The following CDKN2B-AS1 variants were observed in gnomAD, a reference collection of about 807,000 sequenced individuals.
CDKN2B-AS1 encodes CDKN2B antisense RNA 1 (non-protein coding).
rs144148319 is a variant in CDKN2B-AS1 at position 22,124,483 on chromosome 9, C to T, written n.439-2620C>T. Among the ~76,000 whole-genome samples the T allele has an allele frequency of 1.3e-4, 20 of 152,234 alleles. No homozygotes were observed. The East Asian group carries it at 3.5e-3, about 26-fold the overall frequency. On this transcript the variant is annotated intron_variant and non_coding_transcript_variant, in intron 4 of 4. Transcript: ENST00000650946. Reference sequence around the variant, plus strand: ...AGGGTGTGGTCATTCCGGTAAGCAGCGATGCAGAATCAAGACAGAGTAGTT... The same window carrying T: ...AGGGTGTGGTCATTCCGGTAAGCAGTGATGCAGAATCAAGACAGAGTAGTT...
At chr9:22,113,350 C>G (rs1448415593) in intron 4 of CDKN2B-AS1, among the ~76,000 whole-genome samples, 1 of 152,230 alleles carries the variant, frequency 6.6e-6, no homozygotes, top group Non-Finnish European at 1.5e-5. Flanking sequence ...TCTGACTTCC[C>G]TTTCTGTCAC....
intron 1 of CDKN2B-AS1, among the ~76,000 whole-genome samples, chr9:22,042,005 A>C (rs1332162763): frequency 6.6e-6 from 1 of 152,016 alleles, no homozygotes; most frequent in Non-Finnish European, 1.5e-5. Flanking sequence ...TGTTCTGGGA[A>C]TATGTTAGCC....
At chr9:22,105,186 A>C (rs923528062) in intron 4 of CDKN2B-AS1, among the ~76,000 whole-genome samples, 3 of 152,232 alleles carry the variant, frequency 2.0e-5, no homozygotes, top group Non-Finnish European at 4.4e-5. Flanking sequence ...TTGTGGGCTC[A>C]TGATGACTTG....
chr9:22,064,282 G>A (rs1242392289), intron 4 of CDKN2B-AS1, among the ~76,000 whole-genome samples: 1 of 152,192 alleles, frequency 6.6e-6, no homozygotes, highest in African/African-American at 2.4e-5. Context: ...TGAGTACCAA[G>A]GTGGAAGTGT....
chr9:22,115,157 A>G (rs1007471520), intron 4 of CDKN2B-AS1, among the ~76,000 whole-genome samples: 23 of 152,180 alleles, frequency 1.5e-4, no homozygotes, highest in Non-Finnish European at 2.8e-4. Context: ...TTGGACTCCA[A>G]ATGCTTTTGT....
chr9:22,124,743 G>A (rs1817990895), intron 4 of CDKN2B-AS1, among the ~76,000 whole-genome samples: 1 of 152,336 alleles, frequency 6.6e-6, no homozygotes, highest in East Asian at 1.9e-4. Context: ...AGGGCCAGAA[G>A]TCGTCTCAGC....
At chr9:22,049,387 T>C (rs1823241712) in intron 3 of CDKN2B-AS1, among the ~76,000 whole-genome samples, 2 of 152,198 alleles carry the variant, frequency 1.3e-5, no homozygotes, top group South Asian at 4.1e-4. Context: ...CAAGCCTCTG[T>C]GACATTTATC....
chr9:22,124,325 A>C (rs1817983437), intron 4 of CDKN2B-AS1, among the ~76,000 whole-genome samples: 1 of 152,228 alleles, frequency 6.6e-6, no homozygotes, highest in Admixed American at 6.5e-5. Context: ...GGTACAGAAT[A>C]CAAAGTTTCA....
intron 4 of CDKN2B-AS1, among the ~76,000 whole-genome samples, chr9:22,075,914 G>T (rs527469991): frequency 1.3e-5 from 2 of 152,128 alleles, no homozygotes; most frequent in African/African-American, 2.4e-5. Context: ...TCAAATCTTT[G>T]TATTACAGTA....
chr9:22,124,945 A>C, intron 4 of CDKN2B-AS1, among the ~76,000 whole-genome samples: 1 of 152,264 alleles, frequency 6.6e-6, no homozygotes, highest in East Asian at 1.9e-4. Context: ...CTCTTCACAC[A>C]TACTAGCATA....
intron 1 of CDKN2B-AS1, among the ~76,000 whole-genome samples, chr9:22,034,295 G>A (rs1488812320): frequency 6.6e-6 from 1 of 151,868 alleles, no homozygotes; most frequent in Admixed American, 6.6e-5. Flanking sequence ...CTCTTTTTTG[G>A]GGTGCCTCTA....
At chr9:22,047,488 G>C (rs1323063052) in intron 2 of CDKN2B-AS1, among the ~76,000 whole-genome samples, 4 of 152,154 alleles carry the variant, frequency 2.6e-5, no homozygotes, top group Non-Finnish European at 4.4e-5. Context: ...GAAGAACTTA[G>C]CACTTGTGAT....
chr9:22,028,305 G>A (rs1233736427), intron 1 of CDKN2B-AS1, among the ~76,000 whole-genome samples: 1 of 152,012 alleles, frequency 6.6e-6, no homozygotes, highest in Non-Finnish European at 1.5e-5. Context: ...CAAACTGATT[G>A]TTCATCTCAG....
intron 4 of CDKN2B-AS1, among the ~76,000 whole-genome samples, chr9:22,108,802 A>G (rs1278547040): frequency 6.6e-6 from 1 of 152,222 alleles, no homozygotes; most frequent in African/African-American, 2.4e-5. Context: ...GTTTTGGACT[A>G]CTACAAACAC....
At chr9:22,125,051 G>A (rs938928279) in intron 4 of CDKN2B-AS1, among the ~76,000 whole-genome samples, 3 of 152,172 alleles carry the variant, frequency 2.0e-5, no homozygotes, top group Admixed American at 6.5e-5. Flanking sequence ...GTGCATGCAC[G>A]CACACGTGTG....
rs80154247 is a variant in CDKN2B-AS1, at chr9:22,110,019, C to T, written n.439-17084C>T. On this transcript the variant is annotated intron_variant and non_coding_transcript_variant, in intron 4 of 4. Coordinates refer to ENST00000650946, the Ensembl canonical transcript of CDKN2B-AS1. ...CTGTTACCTAGAAGTCAATTGACTTCCCTGAATGTTAGCTTCTTTAGCTGT... is the reference window on the plus strand; with the variant it reads ...CTGTTACCTAGAAGTCAATTGACTTTCCTGAATGTTAGCTTCTTTAGCTGT... Among the ~76,000 whole-genome samples the T allele has an allele frequency of 2.6e-4, 40 of 152,212 alleles. No homozygotes were observed. The East Asian group carries it at 6.2e-3, about 24-fold the overall frequency.
intron 4 of CDKN2B-AS1, among the ~76,000 whole-genome samples, chr9:22,086,064 T>G (rs1294328684): frequency 1.3e-5 from 2 of 152,166 alleles, no homozygotes; most frequent in African/African-American, 2.4e-5. Context: ...CTGCTATTAC[T>G]AGATTTATAA....
At chr9:22,011,572 G>GT (rs984228594) in intron 1 of CDKN2B-AS1, among the ~76,000 whole-genome samples, 21 of 151,876 alleles carry the variant, frequency 1.4e-4, no homozygotes, top group East Asian at 3.9e-4. Context: ...ACTACATAGT[G>GT]TTTTTTTTAG....
chr9:22,107,273 G>C (rs556416727), intron 4 of CDKN2B-AS1, among the ~76,000 whole-genome samples: 56 of 152,340 alleles, frequency 3.7e-4, no homozygotes, highest in African/African-American at 1.3e-3. Flanking sequence ...GAGAGAAAGA[G>C]AGGTAGCATT....
Sources: allele counts gnomAD v4.1 joint callset (sites outside exome capture counted in the v4.1 genomes callset), GRCh38; gene constraint gnomAD v4.1.1; transcripts MANE v1.5; gene names NCBI Gene and HGNC (gene_info 2026-07-23, HGNC 2026-07-21).